DSCC1: variants seen among roughly 807,000 people sequenced by gnomAD.
The protein encoded by DSCC1 is DNA replication and sister chromatid cohesion 1.
In DSCC1, 32 loss-of-function variants were observed where a neutral mutation model predicts 48.2. The ratio of observed to expected loss-of-function variants is 0.66; its 90% CI spans 0.50 to 0.89. The LOEUF (loss-of-function observed/expected upper bound fraction) is 0.89, where lower values mean the gene tolerates loss of function less well. Among genes scored for constraint, DSCC1 ranks in the 40% least tolerant of loss-of-function variants. DSCC1 has a pLI of 0.00. For missense variants in DSCC1, 421 were observed against 471.7 expected (o/e 0.89, Z 1.00); for synonymous variants, 150 against 171.5 (o/e 0.87, Z 0.98).
intron 7 of DSCC1, chr8:119,839,702 C>T (rs1015293168): frequency 6.6e-6 from 1 of 152,218 alleles, no homozygotes; most frequent in South Asian, 2.1e-4. Flanking sequence ...GTCCTTAGCG[C>T]AGTCCACAGT....
chr8:119,855,570 C>G (rs1047693684), intron 1 of DSCC1, 44 bp downstream of exon 1: 1 of 1,515,980 alleles, frequency 6.6e-7, no homozygotes, highest in Non-Finnish European at 8.8e-7. Context: ...GAGAAAATAA[C>G]GTGGCCGGCC....
At chr8:119,845,767 G>A (rs1043130215) in intron 4 of DSCC1, among the ~76,000 whole-genome samples, 2 of 152,012 alleles carry the variant, frequency 1.3e-5, no homozygotes, top group African/African-American at 4.8e-5. Flanking sequence ...TGGCCAACAT[G>A]GCAAAACCCC....
chr8:119,841,772 TG>T (rs1337780575), intron 7 of DSCC1, 21 bp downstream of exon 7: 1 of 1,601,458 alleles, frequency 6.2e-7, no homozygotes, highest in Non-Finnish European at 8.5e-7. Context: ...TGAAGTAAGG[TG>T]GCAATGTCTA....
chr8:119,852,720 T>G (rs1826958252), intron 2 of DSCC1: 2 of 183,606 alleles, frequency 1.1e-5, no homozygotes, highest in Non-Finnish European at 2.3e-5. Flanking sequence ...TGAGGGAGTC[T>G]CCTTTCAAAA....
rs149481669 is a variant in DSCC1 at position 119,854,568 on chromosome 8, T to C, written c.182+1046A>G. Among the ~76,000 whole-genome samples the C allele has an allele frequency of 7.3e-4, 111 of 152,312 alleles. 1 individual carries two copies. In the East Asian group the frequency reaches 0.021, roughly 29 times the overall value. ...TTCTCTAACTGCACTACCCCCACTT[T>C]GAAATATTTTGTTTATACCATCACT... On this transcript the variant is annotated intron_variant, in intron 1 of 8. Transcript: ENST00000313655.
At chr8:119,849,522 T>C (rs1217518379) in intron 3 of DSCC1, among the ~76,000 whole-genome samples, 1 of 152,240 alleles carries the variant, frequency 6.6e-6, no homozygotes, top group Non-Finnish European at 1.5e-5. Context: ...ATTCCATTTA[T>C]ATGAAATGTC....
chr8:119,849,153 C>G (rs1306812970), intron 3 of DSCC1, among the ~76,000 whole-genome samples: 3 of 145,444 alleles, frequency 2.1e-5, no homozygotes, highest in Non-Finnish European at 4.5e-5. Flanking sequence ...CCACTGCACT[C>G]CAGCCTGGGC....
In DSCC1 at chr8:119,853,204, C is replaced by A. The variant is rs143137070; in HGVS notation, c.194G>T (p.Arg65Leu). ...QLEDGHSLVI[R>L]GDKDEQAVLC... is the part of the protein sequence containing the mutation. ...CACAGCTTGCTCGTCTTTATCACCA[C>A]GAATCACAAGACTGTAGCAAAATGG... The change falls in exon 2 of 9, where the codon CGT (arginine) becomes CTT (leucine). Residue 65 changes from arginine (R) to leucine (L), a missense_variant. By Grantham distance (102) the Arg-to-Leu change is moderately radical. Coordinates refer to ENST00000313655, the MANE Select transcript of DSCC1 (RefSeq NM_024094.3). The A allele has an allele frequency of 6.2e-7, 1 of 1,607,494 alleles. No individual in the cohort carries two copies. Among genetic ancestry groups the A allele is most frequent in the Non-Finnish European group, 8.5e-7 (1 of 1,176,102 alleles).
At chr8:119,851,456 G>C (rs531677451) in intron 2 of DSCC1, among the ~76,000 whole-genome samples, 7 of 152,280 alleles carry the variant, frequency 4.6e-5, no homozygotes, top group African/African-American at 1.4e-4. Context: ...AAAAATGGCA[G>C]CCTTCTGGCT....
chr8:119,842,565 T>G (rs1283702882), intron 6 of DSCC1, among the ~76,000 whole-genome samples: 2 of 151,802 alleles, frequency 1.3e-5, no homozygotes, highest in African/African-American at 2.4e-5. Context: ...GGATTTTTTT[T>G]TGTGGAGACA....
chr8:119,842,687 G>C (rs1791290725), intron 6 of DSCC1, 89 bp downstream of exon 6: 2 of 1,231,128 alleles, frequency 1.6e-6, no homozygotes, highest in Admixed American at 1.9e-5. Flanking sequence ...CACCCAGCCA[G>C]AGTTCTTATT....
chr8:119,837,674 G>A (rs974933426), intron 8 of DSCC1, among the ~76,000 whole-genome samples: 4 of 152,278 alleles, frequency 2.6e-5, no homozygotes, highest in African/African-American at 9.6e-5. Flanking sequence ...AATCTTTTTA[G>A]CTTTTTGCCA....
chr8:119,849,746 G>T (rs1826918050), intron 3 of DSCC1, among the ~76,000 whole-genome samples: 1 of 152,150 alleles, frequency 6.6e-6, no homozygotes, highest in African/African-American at 2.4e-5. Flanking sequence ...CTGGTGAATT[G>T]TGTGGTATGT....
intron 7 of DSCC1, among the ~76,000 whole-genome samples, chr8:119,841,272 G>A (rs1331468185): frequency 6.6e-6 from 1 of 152,156 alleles, no homozygotes; most frequent in African/African-American, 2.4e-5. Flanking sequence ...GATTACAGGC[G>A]TGAGCTACCG....
At chr8:119,845,174 C>A (rs1014621857) in intron 4 of DSCC1, among the ~76,000 whole-genome samples, 1 of 152,038 alleles carries the variant, frequency 6.6e-6, no homozygotes, top group Non-Finnish European at 1.5e-5. Context: ...CAACCTCCAC[C>A]TCCCGGGTTC....
chr8:119,846,396 G>C (rs972680886), intron 4 of DSCC1, among the ~76,000 whole-genome samples: 1 of 152,154 alleles, frequency 6.6e-6, no homozygotes, highest in African/African-American at 2.4e-5. Context: ...ACAGGCATGA[G>C]CCACCATGCC....
chr8:119,852,038 T>C (rs1826948669), intron 2 of DSCC1, among the ~76,000 whole-genome samples: 1 of 152,230 alleles, frequency 6.6e-6, no homozygotes, highest in Admixed American at 6.5e-5. Context: ...GTATATTTAC[T>C]GGATGTTCCT....
intron 2 of DSCC1, among the ~76,000 whole-genome samples, chr8:119,852,422 C>T (rs1167256008): frequency 3.9e-5 from 6 of 152,060 alleles, no homozygotes; most frequent in African/African-American, 7.2e-5. Context: ...GGCGTGATCT[C>T]GGCTCTCTGA....
intron 6 of DSCC1, 117 bp from the exon 7 acceptor site, chr8:119,842,065 C>G (rs929633874): frequency 2.3e-5 from 27 of 1,189,988 alleles, no homozygotes; most frequent in Non-Finnish European, 3.0e-5. Flanking sequence ...AACTCACTTC[C>G]GACAACCCCA....
Sources: allele counts gnomAD v4.1 joint callset (sites outside exome capture counted in the v4.1 genomes callset), GRCh38; gene constraint gnomAD v4.1.1; transcripts MANE v1.5; gene names NCBI Gene and HGNC (gene_info 2026-07-23, HGNC 2026-07-21).